SLC25A16: variants seen among roughly 807,000 people sequenced by gnomAD.
The protein encoded by SLC25A16 is solute carrier family 25 member 16.
A neutral mutation model predicts 41.5 loss-of-function variants in SLC25A16; 39 were observed. The observed-to-expected ratio is 0.94, with a 90% confidence interval of 0.73 to 1.23. The LOEUF (loss-of-function observed/expected upper bound fraction) is 1.23, where lower values mean the gene tolerates loss of function less well. Among genes scored for constraint, SLC25A16 ranks in the 50% most tolerant of loss-of-function variants. The probability of loss-of-function intolerance (pLI) is 0.00; values close to 1 mark genes in which losing one functional copy is unlikely to be tolerated. For missense variants in SLC25A16, 421 were observed against 426.9 expected (o/e 0.99, Z 0.12); for synonymous variants, 146 against 147.8 (o/e 0.99, Z 0.09).
intron 6 of SLC25A16, among the ~76,000 whole-genome samples, chr10:68,492,370 A>T: frequency 6.6e-6 from 1 of 152,210 alleles, no homozygotes; most frequent in Non-Finnish European, 1.5e-5. Flanking sequence ...GAATTGCAAA[A>T]TAAAGCCAAC....
intron 2 of SLC25A16, 101 bp from the exon 3 acceptor site, chr10:68,506,819 ATAATT>A (rs1245918473): frequency 1.5e-6 from 1 of 688,334 alleles, no homozygotes; most frequent in Non-Finnish European, 2.2e-6. Context: ...CACTCAAGAT[ATAATT>A]TTGCTTGAGG....
chr10:68,527,316 C>A lies in SLC25A16; in HGVS notation c.60G>T (p.Pro20=). The change falls in exon 1 of 9, where the codon CCG becomes CCT. Residue 20 remains proline (P), a synonymous_variant. Transcript: ENST00000609923. The part of the protein sequence containing the change: ...LAAADPPPAM[P]QAAGAGGPTT... ...TGGGCCCTCCGGCCCCTGCCGCCTGCGGCATTGCGGGAGGGGGATCGGCCG... is the reference window on the plus strand; with the variant it reads ...TGGGCCCTCCGGCCCCTGCCGCCTGAGGCATTGCGGGAGGGGGATCGGCCG... 3 of 1,542,660 alleles carry A rather than the reference C, an allele frequency of 1.9e-6. No individual in the cohort carries two copies. Among genetic ancestry groups the A allele is most frequent in the South Asian group, 1.2e-5 (1 of 83,758 alleles).
intron 1 of SLC25A16, among the ~76,000 whole-genome samples, chr10:68,525,589 G>A (rs2053324183): frequency 6.6e-6 from 1 of 152,126 alleles, no homozygotes; most frequent in South Asian, 2.1e-4. Context: ...TAGTAACTGG[G>A]ACTACAGTAG....
rs142847084 is a variant in SLC25A16 at position 68,522,060 on chromosome 10, G to C, written c.130+5186C>G. Among the ~76,000 whole-genome samples the C allele has an allele frequency of 2.3e-3, 352 of 152,088 alleles. 2 individuals carry two copies. The highest frequency in any genetic ancestry group is 8.4e-3 in the African/African-American group (348 of 41,548). ...CACCTGTAGTCCCAGCTAATCGGGAGGTTGAGGCGGTAAAATCGCTTGAAC... is the reference window on the plus strand; with the variant it reads ...CACCTGTAGTCCCAGCTAATCGGGACGTTGAGGCGGTAAAATCGCTTGAAC... On this transcript the variant is annotated intron_variant, in intron 1 of 8. Transcript: ENST00000609923.
Position 68,527,323 on chromosome 10 carries a change from G to A in SLC25A16, c.53C>T (p.Ala18Val). 6.5e-7 allele frequency: 1 copy of A among 1,540,366 alleles called. No homozygotes were observed. Among genetic ancestry groups the A allele is most frequent in the Non-Finnish European group, 8.7e-7 (1 of 1,143,448 alleles). The change falls in exon 1 of 9, where the codon GCA (alanine) becomes GTA (valine). Residue 18 changes from alanine (A) to valine (V), a missense_variant. Ala to Val is a moderately conservative substitution (Grantham distance 64, BLOSUM62 0). Transcript: ENST00000609923. ...TCCGGCCCCTGCCGCCTGCGGCATT[G>A]CGGGAGGGGGATCGGCCGCCGCCAG... ...AALAAADPPPAMPQAAGAGGP... is the reference protein window; with the variant it reads ...AALAAADPPPVMPQAAGAGGP...
rs749885549 is a variant in SLC25A16 at position 68,506,595 on chromosome 10, T to C, written c.347A>G (p.His116Arg). 3 of 1,581,306 alleles carry C rather than the reference T, an allele frequency of 1.9e-6. No homozygotes were observed. Among genetic ancestry groups the C allele is most frequent in the Non-Finnish European group, 2.6e-6 (3 of 1,166,808 alleles). The change falls in exon 3 of 9, where the codon CAT becomes CGT. Residue 116 changes from histidine to arginine, a missense_variant. Coordinates refer to ENST00000609923, the MANE Select transcript of SLC25A16 (RefSeq NM_152707.4). ...YGAIQFMAFE[H>R]YKTLITTKLG... ...TCAAAGTTTAACTACCGTTTTATAATGCTCAAATGCCATAAACTGGATTGC... is the reference window on the plus strand; with the variant it reads ...TCAAAGTTTAACTACCGTTTTATAACGCTCAAATGCCATAAACTGGATTGC...
At chr10:68,490,065 A>G (rs1009975438) in intron 6 of SLC25A16, among the ~76,000 whole-genome samples, 1 of 152,134 alleles carries the variant, frequency 6.6e-6, no homozygotes, top group Non-Finnish European at 1.5e-5. Flanking sequence ...GTTTGAGACC[A>G]GCCTGGGTAA....
intron 1 of SLC25A16, among the ~76,000 whole-genome samples, chr10:68,519,814 C>A (rs1187161771): frequency 6.7e-6 from 1 of 148,864 alleles, no homozygotes; most frequent in Non-Finnish European, 1.5e-5. Context: ...ACTTGGAAAG[C>A]TGGGGCAGGA....
At position 68,481,087 on chromosome 10, in the gene SLC25A16, A is replaced by T. The variant is rs977020745; in HGVS notation, c.*2345T>A. On this transcript the variant is annotated 3_prime_UTR_variant, in exon 9 of 9. Coordinates refer to ENST00000609923, the MANE Select transcript of SLC25A16 (RefSeq NM_152707.4). ...CAACCTGTGCCTCCTGGGTTCAAGCAATTCTCCCTGCCTTAGCCTCCCAAG... is the reference window on the plus strand; with the variant it reads ...CAACCTGTGCCTCCTGGGTTCAAGCTATTCTCCCTGCCTTAGCCTCCCAAG... 1.3e-5 allele frequency: 2 copies of T among 150,994 alleles called. No individual in the cohort carries two copies. Among genetic ancestry groups the T allele is most frequent in the Non-Finnish European group, 3.0e-5 (2 of 67,780 alleles). 9.4% of individuals were successfully genotyped at this position (150,994 alleles called of 1,614,324 possible). A position where few individuals can be genotyped will look rare whatever the true frequency, so the allele number is the denominator to read the frequency against.
intron 6 of SLC25A16, among the ~76,000 whole-genome samples, chr10:68,491,326 A>G (rs1019783326): frequency 6.6e-6 from 1 of 151,796 alleles, no homozygotes; most frequent in African/African-American, 2.4e-5. Flanking sequence ...TCCTGGGTTC[A>G]AGTGATTCTC....
chr10:68,505,816 C>T (rs773578019), intron 3 of SLC25A16, among the ~76,000 whole-genome samples: 3 of 152,072 alleles, frequency 2.0e-5, no homozygotes, highest in Non-Finnish European at 2.9e-5. Context: ...GGGTGGATCA[C>T]GCGGTCAGGA....
chr10:68,513,218 G>A (rs1425050891), intron 2 of SLC25A16, among the ~76,000 whole-genome samples: 1 of 150,586 alleles, frequency 6.6e-6, no homozygotes, highest in African/African-American at 2.4e-5. Flanking sequence ...AACCAGCCTG[G>A]CCAAACATAG....
chr10:68,507,221 C>T (rs537503306), intron 2 of SLC25A16, among the ~76,000 whole-genome samples: 3 of 151,528 alleles, frequency 2.0e-5, no homozygotes, highest in African/African-American at 4.8e-5. Flanking sequence ...TACACGCGCC[C>T]GCCACCACAC....
chr10:68,487,418 T>G (rs910008401), intron 7 of SLC25A16, among the ~76,000 whole-genome samples: 2 of 152,218 alleles, frequency 1.3e-5, no homozygotes, highest in African/African-American at 4.8e-5. Context: ...GATTAGAGGA[T>G]TCTTCTCTCC....
intron 1 of SLC25A16, among the ~76,000 whole-genome samples, chr10:68,522,100 T>C (rs768031720): frequency 2.8e-4 from 43 of 151,706 alleles, no homozygotes; most frequent in Non-Finnish European, 5.3e-4. Flanking sequence ...GAGCCAGAAG[T>C]TGCAGTGAGC....
chr10:68,517,673 A>C (rs2133589613), intron 1 of SLC25A16: 1 of 152,192 alleles, frequency 6.6e-6, no homozygotes, highest in Non-Finnish European at 1.5e-5. Flanking sequence ...CTCTACAAAA[A>C]ATTTTTTAAA....
Position 68,527,492 on chromosome 10 carries a change from AC to A in SLC25A16, c.-118del. 1 of 838,144 alleles carries A rather than the reference AC, an allele frequency of 1.2e-6. No individual in the cohort carries two copies. The highest frequency in any genetic ancestry group is 1.7e-6 in the Non-Finnish European group (1 of 605,500). The allele number at this position is 838,144 out of a possible 1,614,324, so 51.9% of individuals were successfully genotyped here. The stretch of plus-strand genomic sequence containing the variant: ...CGCCCCGCCGGCGGGGCAAAGTAAC[AC>A]CCGGCGGCGCGGCGCCGGCTGATGG... On this transcript the variant is annotated 5_prime_UTR_variant, in exon 1 of 9. Coordinates refer to ENST00000609923, the MANE Select transcript of SLC25A16 (RefSeq NM_152707.4).
intron 4 of SLC25A16, among the ~76,000 whole-genome samples, chr10:68,502,270 A>C (rs2052861126): frequency 6.6e-6 from 1 of 152,070 alleles, no homozygotes. Flanking sequence ...ACGGGGAGAA[A>C]ATTTCTACAT....
At chr10:68,503,583 T>C in intron 4 of SLC25A16, 49 bp downstream of exon 4, 1 of 1,201,422 alleles carries the variant, frequency 8.3e-7, no homozygotes, top group Non-Finnish European at 1.2e-6. Flanking sequence ...TTAAATATTT[T>C]AATAGAAAAT....
Sources: allele counts gnomAD v4.1 joint callset (sites outside exome capture counted in the v4.1 genomes callset), GRCh38; gene constraint gnomAD v4.1.1; transcripts MANE v1.5; gene names NCBI Gene and HGNC (gene_info 2026-07-23, HGNC 2026-07-21).